RBM34: variants seen among roughly 807,000 people sequenced by gnomAD.
RBM34 encodes RNA binding motif protein 34, also known as RNA-binding protein 34.
In RBM34, 39 loss-of-function variants were observed where a neutral mutation model predicts 44.6. The observed-to-expected ratio is 0.87, with a 90% CI of 0.68 to 1.14. The LOEUF (loss-of-function observed/expected upper bound fraction) is 1.14, where lower values mean the gene tolerates loss of function less well. RBM34 is among the 50% of genes most tolerant of loss of function. The pLI, the probability that RBM34 is intolerant of heterozygous loss-of-function variation, is 0.00. For synonymous variants in RBM34, 194 were observed against 184.0 expected, an observed-to-expected ratio of 1.05 and a Z score of -0.44; for missense variants, 572 against 517.9, an observed-to-expected ratio of 1.10 and a Z score of -1.01.
intron 3 of RBM34, among the ~76,000 whole-genome samples, chr1:235,155,856 T>TATATATATACATATATATATAC (rs1662410949): frequency 2.3e-5 from 1 of 43,916 alleles, no homozygotes; most frequent in East Asian, 6.3e-4. Context: ...TATATATATA[T>TATATATATACATATATATATAC]ATATATATAT....
intron 8 of RBM34, 145 bp downstream of exon 8, chr1:235,137,732 A>G (rs1187177227): frequency 3.5e-6 from 2 of 575,298 alleles, no homozygotes; most frequent in Non-Finnish European, 6.0e-6. Flanking sequence ...TCTTGCCATC[A>G]ACTCTGTAAC....
chr1:235,133,141 A>G (rs1315192063), intron 10 of RBM34, among the ~76,000 whole-genome samples: 1 of 152,200 alleles, frequency 6.6e-6, no homozygotes, highest in African/African-American at 2.4e-5. Flanking sequence ...CAGAAGTTGG[A>G]GACCAGCCTG....
At chr1:235,139,494 A>G (rs1661583364) in intron 6 of RBM34, among the ~76,000 whole-genome samples, 1 of 152,146 alleles carries the variant, frequency 6.6e-6, no homozygotes, top group Admixed American at 6.5e-5. Context: ...AAATGGCAAC[A>G]AGTGGCTGGC....
chr1:235,154,133 C>G (rs1463306988), intron 4 of RBM34, among the ~76,000 whole-genome samples: 1 of 151,948 alleles, frequency 6.6e-6, no homozygotes, highest in Non-Finnish European at 1.5e-5. Flanking sequence ...GTAGTCCCAG[C>G]TACTCAGGAG....
At chr1:235,152,042 A>C (rs2102854030) in intron 5 of RBM34, among the ~76,000 whole-genome samples, 1 of 152,322 alleles carries the variant, frequency 6.6e-6, no homozygotes, top group Admixed American at 6.5e-5. Context: ...CTCAAAAAAA[A>C]AAATAGAATA....
At position 235,155,045 on chromosome 1, in the gene RBM34, T is replaced by G; in HGVS notation, c.433A>C (p.Asn145His). 1 of 1,614,116 alleles carries G rather than the reference T, an allele frequency of 6.2e-7. No individual in the cohort carries two copies. Among genetic ancestry groups the G allele is most frequent in the African/African-American group, 1.3e-5 (1 of 75,050 alleles). The change falls in exon 4 of 11, where the codon AAT (asparagine) becomes CAT (histidine). Residue 145 changes from asparagine to histidine, a missense_variant. By Grantham distance (68) the Asn-to-His change is moderately conservative (BLOSUM62 1). Coordinates refer to ENST00000408888, the MANE Select transcript of RBM34 (RefSeq NM_015014.4). ...GCTACTTTAACACCAGGTTGAGAAT[T>G]TTTCCTTTTCTGCCCTTGTTTCTGG... ...IHQKQGQKRK[N>H]SQPGVKVADR... is the part of the protein sequence containing the mutation.
chr1:235,153,253 ACT>A (rs1005699264), intron 4 of RBM34, among the ~76,000 whole-genome samples: 2 of 146,438 alleles, frequency 1.4e-5, no homozygotes, highest in African/African-American at 2.6e-5. Context: ...AACTTGTGAG[ACT>A]CTGTCTCAAA....
intron 3 of RBM34, among the ~76,000 whole-genome samples, chr1:235,155,852 T>TATAC (rs1558149296): frequency 6.9e-4 from 29 of 41,982 alleles, no homozygotes; most frequent in African/African-American, 3.5e-3. Flanking sequence ...TATATATATA[T>TATAC]ATATATATAT....
intron 2 of RBM34, 29 bp from the exon 3 acceptor site, chr1:235,160,676 G>A: frequency 3.7e-6 from 6 of 1,603,766 alleles, no homozygotes; most frequent in Non-Finnish European, 5.1e-6. Context: ...TTATATTTGA[G>A]ACCCCATACT....
intron 6 of RBM34, among the ~76,000 whole-genome samples, chr1:235,145,966 G>GTT (rs34111332): frequency 4.6e-3 from 358 of 77,132 alleles, no homozygotes; most frequent in Non-Finnish European, 5.8e-3. Flanking sequence ...ATTACAGCAG[G>GTT]TTTTTTTTTT....
intron 3 of RBM34, among the ~76,000 whole-genome samples, chr1:235,157,653 CT>C (rs1054091575): frequency 6.6e-5 from 10 of 152,244 alleles, no homozygotes; most frequent in African/African-American, 2.4e-4. Context: ...AATGAGACCC[CT>C]GAGGGAAATG....
At chr1:235,152,306 C>CAA in intron 5 of RBM34, among the ~76,000 whole-genome samples, 1 of 152,226 alleles carries the variant, frequency 6.6e-6, no homozygotes, top group Admixed American at 6.5e-5. Flanking sequence ...TGTCTGTGCT[C>CAA]AGAGAACAAA....
chr1:235,145,807 G>C (rs1457894772), intron 6 of RBM34, among the ~76,000 whole-genome samples: 4 of 152,028 alleles, frequency 2.6e-5, no homozygotes, highest in African/African-American at 7.2e-5. Context: ...TGTTTTGAGA[G>C]AGCGGGTCTT....
intron 3 of RBM34, among the ~76,000 whole-genome samples, chr1:235,159,526 C>T (rs1469515980): frequency 6.8e-6 from 1 of 146,140 alleles, no homozygotes. Flanking sequence ...CCAGCCTTGG[C>T]GACAGAGTGA....
chr1:235,154,963 A>G lies in RBM34; in HGVS notation c.515T>C (p.Ile172Thr). ...TCTCTCTTCTTCTTGGTTGATTTGA[A>G]TTTTCTTTCTTTGACTGACAACTGT... ...EDTVVSQRKK[I>T]QINQEEERLK... Residue 172 changes from isoleucine (I) to threonine (T), a missense_variant, in exon 4 of 11, where the codon ATT (isoleucine) becomes ACT (threonine). Physicochemically the swap from Ile to Thr is moderately conservative, Grantham distance 89. Transcript: ENST00000408888. 6.2e-7 allele frequency: 1 copy of G among 1,613,952 alleles called. No individual in the cohort carries two copies. The highest frequency in any genetic ancestry group is 8.5e-7 in the Non-Finnish European group (1 of 1,179,970).
At chr1:235,142,310 C>T (rs1218013190) in intron 6 of RBM34, among the ~76,000 whole-genome samples, 2 of 152,098 alleles carry the variant, frequency 1.3e-5, no homozygotes, top group South Asian at 2.1e-4. Flanking sequence ...CGGAGTTTCT[C>T]TCTTGCAGTC....
intron 3 of RBM34, chr1:235,156,532 G>A: frequency 5.0e-6 from 2 of 400,560 alleles, no homozygotes; most frequent in South Asian, 2.0e-5. Flanking sequence ...CAAGCAATAT[G>A]GCTGATAGGA....
At chr1:235,155,990 C>G (rs533408634) in intron 3 of RBM34, among the ~76,000 whole-genome samples, 29 of 149,626 alleles carry the variant, frequency 1.9e-4, no homozygotes, top group African/African-American at 6.7e-4. Flanking sequence ...TTTGCCTCAG[C>G]CTCCCAAGTA....
Position 235,152,727 on chromosome 1 carries a change from T to A in RBM34, c.636A>T (p.Glu212Asp), listed in dbSNP as rs1662216791. The change falls in exon 5 of 11, where the codon GAA becomes GAT. Residue 212 changes from glutamate (E) to aspartate (D), a missense_variant. Coordinates refer to ENST00000408888, the MANE Select transcript of RBM34 (RefSeq NM_015014.4). ...KSFFKEYGQI[E>D]SVRFRSLIPA... The stretch of plus-strand genomic sequence containing the variant: ...ATACCAGAGAACGAAATCGTACAGA[T>A]TCTATTTGTCCATACTCTTTAAAAA... 1 of 1,602,108 alleles carries A rather than the reference T, an allele frequency of 6.2e-7. No individual in the cohort carries two copies. The highest frequency in any genetic ancestry group is 1.3e-5 in the African/African-American group (1 of 74,428).
Sources: allele counts gnomAD v4.1 joint callset (sites outside exome capture counted in the v4.1 genomes callset), GRCh38; gene constraint gnomAD v4.1.1; transcripts MANE v1.5; gene names NCBI Gene and HGNC (gene_info 2026-07-23, HGNC 2026-07-21).